CBARP: variants seen among roughly 807,000 people sequenced by gnomAD.
The protein encoded by CBARP is voltage-dependent calcium channel beta subunit-associated regulatory protein.
CBARP carries 24 observed loss-of-function variants against 36.3 expected under a neutral mutation model. The observed-to-expected ratio is 0.66, with a 90% CI of 0.48 to 0.93. The LOEUF (loss-of-function observed/expected upper bound fraction) is 0.93. CBARP is among the 40% of genes least tolerant of loss of function. CBARP has a pLI of 0.00. For synonymous variants in CBARP, 586 were observed against 453.2 expected (o/e 1.29, Z -3.72); for missense variants, 1,146 against 980.4 (o/e 1.17, Z -2.26).
At chr19:1,231,741 C>G (rs1394126298) in intron 8 of CBARP, among the ~76,000 whole-genome samples, 2 of 151,844 alleles carry the variant, frequency 1.3e-5, no homozygotes, top group Non-Finnish European at 2.9e-5. Flanking sequence ...TGGCATCTCC[C>G]CGGGTCAGGT....
At chr19:1,236,626 TGC>T (rs1053777791) in intron 1 of CBARP, among the ~76,000 whole-genome samples, 25 of 151,896 alleles carry the variant, frequency 1.6e-4, no homozygotes, top group African/African-American at 5.8e-4. Context: ...TCCCGCTGCC[TGC>T]GCGCCAGGGA....
At chr19:1,235,661 C>A in intron 3 of CBARP, 96 bp from the exon 4 acceptor site, 1 of 1,587,790 alleles carries the variant, frequency 6.3e-7, no homozygotes, top group Non-Finnish European at 8.6e-7. Flanking sequence ...TGCGCATCAC[C>A]CAGTCTCCAG....
upstream of CBARP, chr19:1,238,055 G>A (rs1200840459): frequency 6.8e-6 from 1 of 147,644 alleles, no homozygotes; most frequent in East Asian, 2.0e-4. Flanking sequence ...GGCGGGGCGG[G>A]GGGCGGAGCC....
intron 8 of CBARP, 140 bp from the exon 9 acceptor site, chr19:1,231,415 C>A (rs1375850382): frequency 3.1e-6 from 4 of 1,274,334 alleles, no homozygotes; most frequent in East Asian, 5.6e-5. Flanking sequence ...TGGACCCCCA[C>A]CACACACACA....
chr19:1,230,897 C>T, intron 9 of CBARP: 1 of 1,561,460 alleles, frequency 6.4e-7, no homozygotes, highest in Non-Finnish European at 8.7e-7. Context: ...CTACCCTTAC[C>T]CAGTCTCTCC....
Position 1,230,084 on chromosome 19 carries a change from C to A in CBARP, c.1213G>T (p.Ala405Ser). The A allele has an allele frequency of 9.1e-7, 1 of 1,101,530 alleles. No homozygotes were observed. Among genetic ancestry groups the A allele is most frequent in the South Asian group, 1.9e-5 (1 of 51,296 alleles). The allele number at this position is 1,101,530 out of a possible 1,614,324, so 68.2% of individuals were successfully genotyped here. A position where few individuals can be genotyped will look rare whatever the true frequency, so the allele number is the denominator to read the frequency against. The change falls in exon 10 of 10, where the codon GCG becomes TCG. Residue 405 changes from alanine (A) to serine (S), a missense_variant. Coordinates refer to ENST00000650044, the MANE Select transcript of CBARP (RefSeq NM_001393918.1). Reference protein sequence around the residue: ...ASPDSPPERGAGSAGPEQQQP... With the variant: ...ASPDSPPERGSGSAGPEQQQP... Reference sequence around the variant, plus strand: ...TGCTGCTCAGGCCCCGCGCTGCCCGCGCCGCGCTCCGGGGGGGAATCGGGG... The same window carrying A: ...TGCTGCTCAGGCCCCGCGCTGCCCGAGCCGCGCTCCGGGGGGGAATCGGGG...
chr19:1,231,038 G>C (rs762186919), intron 9 of CBARP, 63 bp downstream of exon 9: 10 of 1,555,632 alleles, frequency 6.4e-6, no homozygotes, highest in Non-Finnish European at 8.7e-6. Context: ...CCGCCTAGGG[G>C]GGGGCGAAGG....
chr19:1,230,823 A>T, intron 9 of CBARP: 1 of 1,468,490 alleles, frequency 6.8e-7, no homozygotes, highest in Non-Finnish European at 9.0e-7. Context: ...CAGGCCTCGG[A>T]CTCCACCAGC....
At chr19:1,230,825 TCCA>T (rs1239758639) in intron 9 of CBARP, 2 of 1,470,738 alleles carry the variant, frequency 1.4e-6, no homozygotes, top group East Asian at 4.9e-5. Context: ...GGCCTCGGAC[TCCA>T]CCAGCAAGCA....
Position 1,229,580 on chromosome 19 carries a change from C to A in CBARP, c.1717G>T (p.Ala573Ser). 1 of 1,163,790 alleles carries A rather than the reference C, an allele frequency of 8.6e-7. No homozygotes were observed. Among genetic ancestry groups the A allele is most frequent in the Non-Finnish European group, 1.1e-6 (1 of 929,860 alleles). 72.1% of individuals were successfully genotyped at this position (1,163,790 alleles called of 1,614,324 possible). The change falls in exon 10 of 10, where the codon GCG becomes TCG. Residue 573 changes from alanine (A) to serine (S), a missense_variant. Coordinates refer to ENST00000650044, the MANE Select transcript of CBARP (RefSeq NM_001393918.1). This position sits in a 1 kb window ranked among gnomAD's most constrained non-coding sequence, Gnocchi z 5.1. Reference sequence around the variant, plus strand: ...CACTGTTTGCGGGCGTGCGGGTGCGCGCGGGCGCGGTGTCGCGCGGCAGCC... The same window carrying A: ...CACTGTTTGCGGGCGTGCGGGTGCGAGCGGGCGCGGTGTCGCGCGGCAGCC... ...TPAAARHRAR[A>S]HPHARKQWQR...
At chr19:1,233,935 G>A (rs2080927298) in intron 7 of CBARP, among the ~76,000 whole-genome samples, 1 of 152,214 alleles carries the variant, frequency 6.6e-6, no homozygotes, top group Non-Finnish European at 1.5e-5. Context: ...GGAGGGCAGG[G>A]GTGGCGCACC....
At position 1,229,959 on chromosome 19, in the gene CBARP, C is replaced by G; in HGVS notation, c.1338G>C (p.Leu446=). 1 of 1,206,778 alleles carries G rather than the reference C, an allele frequency of 8.3e-7. No individual in the cohort carries two copies. 74.8% of individuals were successfully genotyped at this position (1,206,778 alleles called of 1,614,324 possible). ...DLWSLRASLE[L]HAAASDHSSS... is the part of the protein sequence containing the mutation. ...TGCTGTGGTCCGAGGCGGCCGCATGCAGCTCAAGCGAGGCGCGCAGGCTCC... is the reference window on the plus strand; with the variant it reads ...TGCTGTGGTCCGAGGCGGCCGCATGGAGCTCAAGCGAGGCGCGCAGGCTCC... The change falls in exon 10 of 10, where the codon CTG becomes CTC. Residue 446 remains leucine, a synonymous_variant. Transcript: ENST00000650044. The surrounding 1 kb of genome is among the most constrained non-coding windows in gnomAD (Gnocchi z 5.1).
At chr19:1,231,410 C>T in intron 8 of CBARP, 135 bp from the exon 9 acceptor site, 1 of 1,316,192 alleles carries the variant, frequency 7.6e-7, no homozygotes, top group Non-Finnish European at 1.0e-6. Context: ...GCCTGTGGAC[C>T]CCCACCACAC....
chr19:1,236,191 G>A (rs889759135), intron 1 of CBARP, 70 bp from the exon 2 acceptor site: 2 of 1,355,274 alleles, frequency 1.5e-6, no homozygotes, highest in African/African-American at 1.5e-5. Flanking sequence ...CAGACAAGCT[G>A]GGTCTTCCCT....
chr19:1,230,825 T>C (rs2080879721), intron 9 of CBARP: 27 of 1,470,856 alleles, frequency 1.8e-5, no homozygotes, highest in Non-Finnish European at 2.3e-5. Flanking sequence ...GGCCTCGGAC[T>C]CCACCAGCAA....
At position 1,228,992 on chromosome 19, in the gene CBARP, G is replaced by T; in HGVS notation, c.*187C>A. On this transcript the variant is annotated 3_prime_UTR_variant, in exon 10 of 10. Transcript: ENST00000650044. ...AGCAGTGCACACTTCGGCGGCGCGAGGGCGGCCGGGGCTCTGCGCCTGCGC... is the reference window on the plus strand; with the variant it reads ...AGCAGTGCACACTTCGGCGGCGCGATGGCGGCCGGGGCTCTGCGCCTGCGC... 6.6e-6 allele frequency: 1 copy of T among 150,952 alleles called. No homozygotes were observed. The highest frequency in any genetic ancestry group is 1.4e-5 in the Non-Finnish European group (1 of 69,700). 9.4% of individuals were successfully genotyped at this position (150,952 alleles called of 1,614,324 possible).
rs768418792 is a variant in CBARP at position 1,233,517 on chromosome 19, G to A, written c.888C>T (p.Arg296=). Reference sequence around the variant, plus strand: ...GGCTGGCCCCATCCAGGCTGGCATGGCGGCGCAGGCGGGTGAGGAACTGCA... The same window carrying A: ...GGCTGGCCCCATCCAGGCTGGCATGACGGCGCAGGCGGGTGAGGAACTGCA... The part of the protein sequence containing the change: ...TVLQFLTRLR[R]HASLDGASPY... Residue 296 remains arginine, a synonymous_variant, in exon 8 of 10, where the codon CGC becomes CGT. Coordinates refer to ENST00000650044, the MANE Select transcript of CBARP (RefSeq NM_001393918.1). 1.2e-6 allele frequency: 2 copies of A among 1,606,674 alleles called. No individual in the cohort carries two copies. Among genetic ancestry groups the A allele is most frequent in the South Asian group, 1.1e-5 (1 of 90,446 alleles).
chr19:1,234,227 G>C lies in CBARP; in HGVS notation c.732C>G (p.Ser244Arg). The change falls in exon 7 of 10, where the codon AGC becomes AGG. Residue 244 changes from serine to arginine, a missense_variant. Ser to Arg is a moderately radical substitution (Grantham distance 110). Coordinates refer to ENST00000650044, the MANE Select transcript of CBARP (RefSeq NM_001393918.1). ...CCCCAGAGTCGCTAGATGCCGAGGG[G>C]CTGATCTCTGCGAAGTCAGTGGCGC... The part of the protein sequence containing the change: ...AAGATDFAEI[S>R]PSASSDSGEG... 1 of 1,514,026 alleles carries C rather than the reference G, an allele frequency of 6.6e-7. No homozygotes were observed. Among genetic ancestry groups the C allele is most frequent in the African/African-American group, 1.4e-5 (1 of 71,798 alleles). The allele number at this position is 1,514,026 out of a possible 1,614,324, so 93.8% of individuals were successfully genotyped here. A position where few individuals can be genotyped will look rare whatever the true frequency, so the allele number is the denominator to read the frequency against.
rs1005097755 is a variant in CBARP at position 1,231,274 on chromosome 19, A to G, written c.981T>C (p.Gly327=). The change falls in exon 9 of 10, where the codon GGT becomes GGC. Residue 327 remains glycine, a splice_region_variant and synonymous_variant. Transcript: ENST00000650044. ...SQRAASLDTR[G]SPKRHHFQRQ... ...GCTGGAAGTGGTGCCGCTTGGGGGAACCTGCGCACGGGATGTGCCGTAAGC... is the reference window on the plus strand; with the variant it reads ...GCTGGAAGTGGTGCCGCTTGGGGGAGCCTGCGCACGGGATGTGCCGTAAGC... 8.8e-6 allele frequency: 14 copies of G among 1,599,274 alleles called. No individual in the cohort carries two copies. Among genetic ancestry groups the G allele is most frequent in the Non-Finnish European group, 1.2e-5 (14 of 1,179,134 alleles).
Sources: allele counts gnomAD v4.1 joint callset (sites outside exome capture counted in the v4.1 genomes callset), GRCh38; gene constraint gnomAD v4.1.1; non-coding constraint Gnocchi (gnomAD v3.1); transcripts MANE v1.5; gene names NCBI Gene and HGNC (gene_info 2026-07-23, HGNC 2026-07-21).